Variants in RARB observed in about 807,000 individuals in gnomAD.
The protein encoded by RARB is retinoic acid receptor beta, also known as HBV-activated protein.
A neutral mutation model predicts 51.9 loss-of-function variants in RARB; 17 were observed. The ratio of observed to expected loss-of-function variants is 0.33; its 90% CI spans 0.22 to 0.49. The LOEUF is 0.49. RARB is among the 20% of genes least tolerant of loss of function. RARB has a pLI of 0.99. For missense variants in RARB, 369 were observed against 550.8 expected (o/e 0.67, Z 3.30); for synonymous variants, 215 against 195.4 (o/e 1.10, Z -0.84).
At chr3:24,967,852 T>C (rs1696310860) in intron 2 of RARB, among the ~76,000 whole-genome samples, 1 of 152,192 alleles carries the variant, frequency 6.6e-6, no homozygotes, top group Non-Finnish European at 1.5e-5. Context: ...GATAAATTGA[T>C]GTGAACATGT....
chr3:25,523,778 G>A (rs74531706), intron 3 of RARB, among the ~76,000 whole-genome samples: 19 of 152,180 alleles, frequency 1.2e-4, no homozygotes, highest in East Asian at 9.6e-4. Context: ...TCACACTTTC[G>A]GAGCTAAAGG....
At chr3:25,033,650 C>T (rs1356524727) in intron 2 of RARB, among the ~76,000 whole-genome samples, 2 of 152,142 alleles carry the variant, frequency 1.3e-5, no homozygotes, top group African/African-American at 4.8e-5. Flanking sequence ...GCCAGACCCA[C>T]ATCCAAACAT....
rs1445155510 is a variant in RARB at position 25,428,719 on chromosome 3, T to C, written c.-13T>C. 1.2e-6 allele frequency: 2 copies of C among 1,611,916 alleles called. No homozygotes were observed. The highest frequency in any genetic ancestry group is 8.5e-7 in the Non-Finnish European group (1 of 1,178,250). The stretch of plus-strand genomic sequence containing the variant: ...GATAAGCACTTTTGCAGACATTCAG[T>C]GCAAGGGAGATCATGTTTGACTGTA... On this transcript the variant is annotated 5_prime_UTR_variant, in exon 1 of 8. Coordinates refer to ENST00000330688, the MANE Select transcript of RARB (RefSeq NM_000965.5).
intron 3 of RARB, among the ~76,000 whole-genome samples, chr3:25,545,200 C>G (rs966716382): frequency 1.3e-5 from 2 of 152,120 alleles, no homozygotes; most frequent in African/African-American, 4.8e-5. Context: ...CCTCCTCAGC[C>G]CCACAAAGCT....
chr3:25,423,725 A>T (rs571469096), upstream of RARB, among the ~76,000 whole-genome samples: 2 of 152,368 alleles, frequency 1.3e-5, no homozygotes, highest in East Asian at 3.9e-4. Flanking sequence ...ATAAAATTTT[A>T]AAAAGGAAAA....
chr3:25,216,456 G>C (rs182288991), intron 5 of RARB, among the ~76,000 whole-genome samples: 1 of 152,036 alleles, frequency 6.6e-6, no homozygotes, highest in Admixed American at 6.6e-5. Context: ...GAAGCTGGAC[G>C]CTATCATCCT....
intron 2 of RARB, among the ~76,000 whole-genome samples, chr3:25,010,159 T>C (rs1697363259): frequency 6.6e-6 from 1 of 152,020 alleles, no homozygotes; most frequent in Non-Finnish European, 1.5e-5. Flanking sequence ...ACAGAGGAGC[T>C]AAAGAAAACC....
chr3:25,585,198 G>A (rs1000348196), intron 5 of RARB, among the ~76,000 whole-genome samples: 3 of 152,162 alleles, frequency 2.0e-5, no homozygotes, highest in Non-Finnish European at 4.4e-5. Context: ...AAATGAAGTA[G>A]CACGTAGAGC....
chr3:25,500,863 G>A (rs1697278044), intron 2 of RARB, among the ~76,000 whole-genome samples: 1 of 152,190 alleles, frequency 6.6e-6, no homozygotes, highest in African/African-American at 2.4e-5. Flanking sequence ...GTCAGCAAGG[G>A]AGCCAGTTAT....
chr3:25,542,397 AC>A (rs1003764060), intron 3 of RARB, among the ~76,000 whole-genome samples: 2 of 152,226 alleles, frequency 1.3e-5, no homozygotes, highest in Admixed American at 6.5e-5. Flanking sequence ...TCACAATTAA[AC>A]CCAATGGGGT....
intron 3 of RARB, among the ~76,000 whole-genome samples, chr3:25,527,076 G>A (rs1210429446): frequency 6.6e-6 from 1 of 152,178 alleles, no homozygotes; most frequent in Non-Finnish European, 1.5e-5. Context: ...CTTCTCAAAT[G>A]GACTATGTAC....
intron 5 of RARB, among the ~76,000 whole-genome samples, chr3:25,383,794 G>A (rs1706704339): frequency 6.6e-6 from 1 of 152,038 alleles, no homozygotes; most frequent in Non-Finnish European, 1.5e-5. Flanking sequence ...GCCAGGCGTG[G>A]TGGCAGGCAC....
chr3:25,580,107 G>T (rs886501803), intron 4 of RARB, among the ~76,000 whole-genome samples: 2 of 152,222 alleles, frequency 1.3e-5, no homozygotes, highest in African/African-American at 4.8e-5. Context: ...GGACACAGTG[G>T]CTCACGCCTG....
Position 25,428,576 on chromosome 3 carries a change from C to G in RARB, c.-156C>G, listed in dbSNP as rs539377859. On this transcript the variant is annotated 5_prime_UTR_variant, in exon 1 of 8. Transcript: ENST00000330688. ...AATTACAGGCTTTTAGCTGGCTTGT[C>G]TGTCATAATTCATGATTCGGGGCTG... is the stretch of plus-strand genomic sequence containing the variant. 3.7e-6 allele frequency: 5 copies of G among 1,344,224 alleles called. No homozygotes were observed. In the South Asian group the frequency reaches 1.1e-4, roughly 30 times the overall value. The allele number at this position is 1,344,224 out of a possible 1,614,324, so 83.3% of individuals were successfully genotyped here. A position where few individuals can be genotyped will look rare whatever the true frequency, so the allele number is the denominator to read the frequency against.
intron 1 of RARB, among the ~76,000 whole-genome samples, chr3:25,431,549 G>C (rs529952055): frequency 6.6e-6 from 1 of 152,192 alleles, no homozygotes; most frequent in South Asian, 2.1e-4. Context: ...TTTCTGTTCA[G>C]ATGTCTCCAG....
intron 2 of RARB, among the ~76,000 whole-genome samples, chr3:25,492,326 C>T (rs2125593614): frequency 6.6e-6 from 1 of 152,300 alleles, no homozygotes; most frequent in Admixed American, 6.5e-5. Flanking sequence ...ACTGAGTAAT[C>T]TCTCCTTACT....
At chr3:25,041,548 A>T (rs1698114875) in intron 2 of RARB, among the ~76,000 whole-genome samples, 1 of 152,070 alleles carries the variant, frequency 6.6e-6, no homozygotes, top group African/African-American at 2.4e-5. Flanking sequence ...AAAAAAAAAA[A>T]AAAGTCTTGC....
At chr3:25,591,755 C>A (rs747380520) in intron 5 of RARB, among the ~76,000 whole-genome samples, 5 of 152,164 alleles carry the variant, frequency 3.3e-5, no homozygotes, top group African/African-American at 4.8e-5. Flanking sequence ...CAATAAGACA[C>A]TGAAGTCAGA....
At chr3:25,019,393 T>G (rs976669907) in intron 2 of RARB, among the ~76,000 whole-genome samples, 10 of 152,224 alleles carry the variant, frequency 6.6e-5, no homozygotes, top group Admixed American at 2.0e-4. Flanking sequence ...TGGAGGGAGA[T>G]AAGCCATGCA....
Sources: allele counts gnomAD v4.1 joint callset (sites outside exome capture counted in the v4.1 genomes callset), GRCh38; gene constraint gnomAD v4.1.1; transcripts MANE v1.5; gene names NCBI Gene and HGNC (gene_info 2026-07-23, HGNC 2026-07-21).